The following MYO18B variants were observed in gnomAD, a reference collection of about 807,000 sequenced individuals.
The protein encoded by MYO18B is unconventional myosin-XVIIIb.
Under a neutral mutation model 273.0 loss-of-function variants are expected in MYO18B, and 204 were observed. That is an observed-to-expected ratio of 0.75 (90% CI 0.67 to 0.84). MYO18B has a LOEUF of 0.84. Among genes scored for constraint, MYO18B ranks in the 40% least tolerant of loss-of-function variants. The pLI, the probability that MYO18B is intolerant of heterozygous loss-of-function variation, is 0.00. For synonymous variants in MYO18B, 1,330 were observed against 1,305.7 expected (o/e 1.02, Z -0.40); for missense variants, 3,212 against 3,287.6 (o/e 0.98, Z 0.56).
rs1827121849 is a variant in MYO18B, at chr22:26,004,826, A to G, written c.6441A>G (p.Ser2147=). The change falls in exon 42 of 44, where the codon TCA becomes TCG. Residue 2147 remains serine, a synonymous_variant. Coordinates refer to ENST00000335473, the MANE Select transcript of MYO18B (RefSeq NM_032608.7). Reference sequence around the variant, plus strand: ...CTATGAGGACTCCTTCTCGACAGTCAGCCACCAGCAGCCGCATCCTCAGCC... The same window carrying G: ...CTATGAGGACTCCTTCTCGACAGTCGGCCACCAGCAGCCGCATCCTCAGCC... ...TDTMRTPSRQ[S]ATSSRILSPR... The G allele has an allele frequency of 6.2e-7, 1 of 1,613,800 alleles. No individual in the cohort carries two copies. Among genetic ancestry groups the G allele is most frequent in the Non-Finnish European group, 8.5e-7 (1 of 1,179,746 alleles).
intron 12 of MYO18B, among the ~76,000 whole-genome samples, chr22:25,810,494 C>T (rs558996635): frequency 5.7e-5 from 8 of 140,706 alleles, no homozygotes; most frequent in Non-Finnish European, 1.1e-4. Flanking sequence ...AGTGCAGTGA[C>T]GTGATCTCGG....
intron 11 of MYO18B, among the ~76,000 whole-genome samples, chr22:25,796,105 T>C (rs1426721618): frequency 6.6e-6 from 1 of 152,198 alleles, no homozygotes; most frequent in Non-Finnish European, 1.5e-5. Context: ...AGAATTCCCA[T>C]TCCCGGCTCA....
chr22:25,900,678 C>A (rs2091914383), intron 29 of MYO18B: 1 of 152,324 alleles, frequency 6.6e-6, no homozygotes, highest in South Asian at 2.1e-4. Flanking sequence ...TGTGTGCAAA[C>A]CTATCTGGCC....
intron 31 of MYO18B, among the ~76,000 whole-genome samples, chr22:25,904,127 G>T (rs2091992445): frequency 6.6e-6 from 1 of 152,094 alleles, no homozygotes. Flanking sequence ...TTACTCTCTG[G>T]TACCTGCCAT....
At chr22:25,922,940 C>G (rs1373704412) in intron 34 of MYO18B, among the ~76,000 whole-genome samples, 3 of 152,226 alleles carry the variant, frequency 2.0e-5, no homozygotes, top group African/African-American at 7.2e-5. Context: ...TTGAATTTCA[C>G]CAGTCTCTCC....
chr22:25,997,040 TTGCTGGGCGCGG>T (rs1278014450), intron 40 of MYO18B, among the ~76,000 whole-genome samples: 1 of 152,096 alleles, frequency 6.6e-6, no homozygotes, highest in East Asian at 1.9e-4. Context: ...AGTGTGAGGC[TTGCTGGGCGCGG>T]TGGCTCATGT....
chr22:25,818,505 T>C (rs1237407461), intron 12 of MYO18B, among the ~76,000 whole-genome samples: 1 of 152,196 alleles, frequency 6.6e-6, no homozygotes, highest in East Asian at 1.9e-4. Flanking sequence ...AGATGAGGCA[T>C]GGAAAGCCTT....
At position 25,777,707 on chromosome 22, in the gene MYO18B, G is replaced by A. The variant is rs2086971193; in HGVS notation, c.1994G>A (p.Gly665Glu). 1 of 1,612,712 alleles carries A rather than the reference G, an allele frequency of 6.2e-7. No homozygotes were observed. The highest frequency in any genetic ancestry group is 1.3e-5 in the African/African-American group (1 of 75,016). Residue 665 changes from glycine to glutamate, a missense_variant, in exon 8 of 44, where the codon GGG (glycine) becomes GAG (glutamate). By Grantham distance (98) the Gly-to-Glu change is moderately conservative. Coordinates refer to ENST00000335473, the MANE Select transcript of MYO18B (RefSeq NM_032608.7). ...SIVALGWSGA[G>E]KTTCCEQVLE... is the part of the protein sequence containing the mutation. ...GTGGCCCTGGGCTGGAGTGGCGCTG[G>A]GAAGACCACCTGCTGTGAGCAGGTC...
chr22:25,897,675 G>A (rs548789478), intron 28 of MYO18B: 1 of 152,322 alleles, frequency 6.6e-6, no homozygotes, highest in Admixed American at 6.5e-5. Flanking sequence ...CTTATTTAAA[G>A]CAATTTTTTA....
intron 42 of MYO18B, among the ~76,000 whole-genome samples, chr22:26,012,988 C>T (rs900828195): frequency 2.6e-5 from 4 of 152,210 alleles, no homozygotes; most frequent in Non-Finnish European, 4.4e-5. Context: ...CCTCCTCCTT[C>T]CTCAAAGAAA....
chr22:25,814,678 A>G (rs750486334), intron 12 of MYO18B, among the ~76,000 whole-genome samples: 6 of 152,204 alleles, frequency 3.9e-5, no homozygotes, highest in Non-Finnish European at 7.4e-5. Context: ...GAACTCCAAT[A>G]TGTATGAGTT....
At chr22:25,845,290 G>T (rs1333671126) in intron 18 of MYO18B, among the ~76,000 whole-genome samples, 1 of 152,206 alleles carries the variant, frequency 6.6e-6, no homozygotes, top group Non-Finnish European at 1.5e-5. Flanking sequence ...AGGCCAAGGT[G>T]GGCAGATCAC....
chr22:25,786,942 G>A (rs1040426268), intron 11 of MYO18B, among the ~76,000 whole-genome samples: 1 of 152,166 alleles, frequency 6.6e-6, no homozygotes, highest in Non-Finnish European at 1.5e-5. Context: ...CAGCCAGTGC[G>A]GTGGCTCACG....
chr22:25,960,001 A>G (rs1381927495), intron 39 of MYO18B, among the ~76,000 whole-genome samples: 3 of 152,104 alleles, frequency 2.0e-5, no homozygotes, highest in East Asian at 1.9e-4. Flanking sequence ...CCCGTCCCCA[A>G]CCTGTACTAT....
intron 39 of MYO18B, among the ~76,000 whole-genome samples, chr22:25,974,798 G>A (rs1345044142): frequency 6.6e-6 from 1 of 152,098 alleles, no homozygotes; most frequent in Non-Finnish European, 1.5e-5. Context: ...GGTTCCAAAG[G>A]GTCCCATTCA....
chr22:25,847,483 G>C lies in MYO18B; in HGVS notation c.3606G>C (p.Leu1202=). The C allele has an allele frequency of 1.3e-6, 2 of 1,582,584 alleles. No homozygotes were observed. The highest frequency in any genetic ancestry group is 2.3e-5 in the East Asian group (1 of 43,164). ...CCCGGCTGCACTTTATCCACTGCCT[G>C]GTACCAAACCCTGTGGTGGAAAGCA... ...KRSRLHFIHC[L]VPNPVVESRS... is the part of the protein sequence containing the mutation. Residue 1202 remains leucine (L), a synonymous_variant, in exon 20 of 44, where the codon CTG becomes CTC. Coordinates refer to ENST00000335473, the MANE Select transcript of MYO18B (RefSeq NM_032608.7).
chr22:25,814,775 T>C (rs1004548080), intron 12 of MYO18B, among the ~76,000 whole-genome samples: 2 of 152,218 alleles, frequency 1.3e-5, no homozygotes, highest in Non-Finnish European at 2.9e-5. Context: ...TGTTAATATT[T>C]ACTCAGAATT....
At chr22:26,040,705 G>A in the MYO18B span, among the ~76,000 whole-genome samples, 7 of 152,186 alleles carry the variant, frequency 4.6e-5, no homozygotes, top group Non-Finnish European at 1.0e-4. Context: ...GAGCATTCTA[G>A]GCAGAGGGAA....
At position 25,787,111 on chromosome 22, in the gene MYO18B, A is replaced by G. The variant is rs958259688; in HGVS notation, c.2376+1620A>G. ...ATGCCTGTAGTTCCAGCTGCTTGGG[A>G]GGCTGAGTCAGGAGAATTGCTTGAA... On this transcript the variant is annotated intron_variant, in intron 11 of 43. Transcript: ENST00000335473. 9.2e-5 allele frequency among the ~76,000 whole-genome samples: 14 copies of G among 152,206 alleles called. No homozygotes were observed. The East Asian group carries it at 2.3e-3, about 25-fold the overall frequency.
Sources: allele counts gnomAD v4.1 joint callset (sites outside exome capture counted in the v4.1 genomes callset), GRCh38; gene constraint gnomAD v4.1.1; transcripts MANE v1.5; gene names NCBI Gene and HGNC (gene_info 2026-07-23, HGNC 2026-07-21).